Variants in DEFB124 observed in about 807,000 individuals in gnomAD.
DEFB124 encodes the protein beta-defensin 124.
For missense variants in DEFB124, 78 were observed against 83.1 expected, an observed-to-expected ratio of 0.94 and a Z score of 0.24; for synonymous variants, 38 against 36.5, an observed-to-expected ratio of 1.04 and a Z score of -0.15.
intron 2 of DEFB124, among the ~76,000 whole-genome samples, chr20:31,470,497 G>C (rs1252026445): frequency 1.5e-5 from 2 of 134,122 alleles, no homozygotes; most frequent in East Asian, 4.6e-4. Flanking sequence ...CTTCCCAGTA[G>C]GGGCGGCTGG....
intron 2 of DEFB124, among the ~76,000 whole-genome samples, chr20:31,470,857 C>T (rs1568757947): frequency 5.7e-5 from 8 of 139,840 alleles, no homozygotes; most frequent in East Asian, 4.6e-4. Context: ...CCCTCCCGGA[C>T]GGGGCGGCTG....
chr20:31,466,085 G>A (rs1201110373), intron 2 of DEFB124, among the ~76,000 whole-genome samples: 2 of 152,106 alleles, frequency 1.3e-5, no homozygotes, highest in African/African-American at 2.4e-5. Flanking sequence ...TGAACCCAGA[G>A]GGAGGAGATT....
chr20:31,469,226 C>A (rs894847270), intron 2 of DEFB124, among the ~76,000 whole-genome samples: 3 of 151,970 alleles, frequency 2.0e-5, no homozygotes, highest in Non-Finnish European at 4.4e-5. Context: ...AGATCTAGAC[C>A]AGCCTGACCA....
At chr20:31,469,989 C>G (rs1467421899) in intron 2 of DEFB124, among the ~76,000 whole-genome samples, 2 of 150,026 alleles carry the variant, frequency 1.3e-5, no homozygotes, top group Non-Finnish European at 3.0e-5. Flanking sequence ...GGGTGGTGGC[C>G]GGGCAGAGGG....
intron 2 of DEFB124, among the ~76,000 whole-genome samples, chr20:31,470,842 C>A (rs1448623059): frequency 2.8e-5 from 4 of 144,848 alleles, no homozygotes; most frequent in Non-Finnish European, 4.6e-5. Flanking sequence ...CTGATCCCCC[C>A]ACCTCCCTCC....
rs916373345 is a variant in DEFB124 at position 31,471,563 on chromosome 20, G to T, written c.58+1393C>A. Among the ~76,000 whole-genome samples, 1,205 of 147,458 alleles carry T rather than the reference G, an allele frequency of 8.2e-3. 7 individuals are homozygous for T. Among genetic ancestry groups the T allele is most frequent in the Non-Finnish European group, 0.012 (828 of 66,448 alleles). ...AGGCTGATCCCCCCACCTCCCTCCC[G>T]GACGGGGCGGCTGCCGGGCGGAGAC... On this transcript the variant is annotated intron_variant, in intron 2 of 2. Transcript: ENST00000317676.
At chr20:31,466,338 G>A (rs571603605) in intron 2 of DEFB124, among the ~76,000 whole-genome samples, 2 of 151,954 alleles carry the variant, frequency 1.3e-5, no homozygotes, top group African/African-American at 2.4e-5. Flanking sequence ...AGTGGCTCAC[G>A]CCTGTAATCT....
rs934268442 is a variant in DEFB124 at position 31,474,992 on chromosome 20, G to T, written c.-391C>A. 1.3e-5 allele frequency among the ~76,000 whole-genome samples: 2 copies of T among 152,222 alleles called. No individual in the cohort carries two copies. Among genetic ancestry groups the T allele is most frequent in the African/African-American group, 4.8e-5 (2 of 41,462 alleles). On this transcript the variant is annotated 5_prime_UTR_variant, in exon 1 of 3. Coordinates refer to ENST00000317676, the MANE Select transcript of DEFB124 (RefSeq NM_001037500.2). ...AGTTCCCCAAGTGGTTTTTCTGGGG[G>T]CTAATATGTTAGTGCATCCCCTTGA...
intron 2 of DEFB124, among the ~76,000 whole-genome samples, chr20:31,471,733 G>C (rs1158791435): frequency 1.3e-5 from 2 of 150,798 alleles, no homozygotes; most frequent in African/African-American, 2.5e-5. Context: ...CGGGGTCGCA[G>C]CCTGGCAGAG....
At chr20:31,469,338 G>A (rs548379021) in intron 2 of DEFB124, among the ~76,000 whole-genome samples, 5 of 152,306 alleles carry the variant, frequency 3.3e-5, no homozygotes, top group East Asian at 1.9e-4. Flanking sequence ...CAGGAGAATC[G>A]CTTGAACCCG....
chr20:31,470,756 T>TGA (rs1980248395), intron 2 of DEFB124, among the ~76,000 whole-genome samples: 1 of 118,310 alleles, frequency 8.5e-6, no homozygotes, highest in Non-Finnish European at 1.8e-5. Context: ...GCAGAGGGGC[T>TGA]CCTCACTTCC....
At chr20:31,472,761 T>G in intron 2 of DEFB124, 195 bp downstream of exon 2, 1 of 481,616 alleles carries the variant, frequency 2.1e-6, no homozygotes, top group African/African-American at 2.0e-5. Context: ...GAGAATCCCA[T>G]TTTATAGATT....
chr20:31,468,683 G>C (rs994611717), intron 2 of DEFB124, among the ~76,000 whole-genome samples: 1 of 151,972 alleles, frequency 6.6e-6, no homozygotes, highest in Admixed American at 6.6e-5. Flanking sequence ...CACCATGTTG[G>C]CCAGGATGGT....
At chr20:31,471,261 G>C (rs1478741466) in intron 2 of DEFB124, among the ~76,000 whole-genome samples, 2 of 139,640 alleles carry the variant, frequency 1.4e-5, no homozygotes, top group Non-Finnish European at 3.2e-5. Context: ...AGGGGCGGCT[G>C]GGCAGAGGCG....
At chr20:31,468,331 C>T (rs958322478) in intron 2 of DEFB124, among the ~76,000 whole-genome samples, 2 of 152,048 alleles carry the variant, frequency 1.3e-5, no homozygotes, top group Admixed American at 6.6e-5. Context: ...CTATTCAAAC[C>T]CACTTTATAT....
intron 2 of DEFB124, among the ~76,000 whole-genome samples, chr20:31,468,088 T>C (rs1480829209): frequency 6.6e-6 from 1 of 152,174 alleles, no homozygotes; most frequent in Admixed American, 6.5e-5. Context: ...GCATTTGAAC[T>C]TCCCAATCAC....
At chr20:31,469,166 T>TA (rs1250874021) in intron 2 of DEFB124, among the ~76,000 whole-genome samples, 1 of 152,212 alleles carries the variant, frequency 6.6e-6, no homozygotes, top group Non-Finnish European at 1.5e-5. Flanking sequence ...CTCATGTCTG[T>TA]AATCCTAGCA....
intron 2 of DEFB124, among the ~76,000 whole-genome samples, chr20:31,470,877 G>A (rs572254044): frequency 0.016 from 2,262 of 140,088 alleles, 15 homozygotes; most frequent in Admixed American, 0.026. Flanking sequence ...GGCCGGGCGG[G>A]GGGCTGAGCC....
At position 31,466,952 on chromosome 20, in the gene DEFB124, G is replaced by A. The variant is rs756341799; in HGVS notation, c.59-1289C>T. Among the ~76,000 whole-genome samples, 92 of 152,214 alleles carry A rather than the reference G, an allele frequency of 6.0e-4. 1 individual carries two copies. The highest frequency in any genetic ancestry group is 1.6e-3 in the African/African-American group (65 of 41,506). ...TCCCTGCCCTCAAGGAGCTTCCAGC[G>A]TCAAGGAAGACAGTTAAAAAACAAG... On this transcript the variant is annotated intron_variant, in intron 2 of 2. Coordinates refer to ENST00000317676, the MANE Select transcript of DEFB124 (RefSeq NM_001037500.2).
Sources: allele counts gnomAD v4.1 joint callset (sites outside exome capture counted in the v4.1 genomes callset), GRCh38; gene constraint gnomAD v4.1.1; transcripts MANE v1.5; gene names NCBI Gene and HGNC (gene_info 2026-07-23, HGNC 2026-07-21).